ST6GALNAC3: variants seen among roughly 807,000 people sequenced by gnomAD.
ST6GALNAC3 encodes alpha-N-acetylgalactosaminide alpha-2,6-sialyltransferase 3.
ST6GALNAC3 carries 25 observed loss-of-function variants against 32.7 expected under a neutral mutation model. The observed-to-expected ratio is 0.76, with a 90% CI of 0.56 to 1.07. The LOEUF (loss-of-function observed/expected upper bound fraction) is 1.07. ST6GALNAC3 is among the 50% of genes least tolerant of loss of function. ST6GALNAC3 has a pLI of 0.00. For missense variants in ST6GALNAC3, 355 were observed against 382.4 expected (o/e 0.93, Z 0.60); for synonymous variants, 129 against 133.1 (o/e 0.97, Z 0.21).
At chr1:76,163,121 G>A (rs890878373) in intron 1 of ST6GALNAC3, among the ~76,000 whole-genome samples, 1 of 152,146 alleles carries the variant, frequency 6.6e-6, no homozygotes, top group Non-Finnish European at 1.5e-5. Flanking sequence ...TTTTAATGAA[G>A]CTTCCTTTGA....
At chr1:76,342,789 C>T (rs1648162025) in intron 2 of ST6GALNAC3, among the ~76,000 whole-genome samples, 1 of 151,754 alleles carries the variant, frequency 6.6e-6, no homozygotes, top group Non-Finnish European at 1.5e-5. Context: ...GAGATGGTGT[C>T]TCATTGTAGT....
intron 1 of ST6GALNAC3, among the ~76,000 whole-genome samples, chr1:76,221,886 TC>T: frequency 6.6e-6 from 1 of 152,226 alleles, no homozygotes; most frequent in African/African-American, 2.4e-5. Context: ...CTATTAAATA[TC>T]CCCTGCAAAA....
rs113069301 is a variant in ST6GALNAC3, at chr1:76,462,768, C to G, written c.623+50351C>G. On this transcript the variant is annotated intron_variant, in intron 3 of 4. Transcript: ENST00000328299. ...AGAGAACATGTAAGTATCACTAGCA[C>G]TGATTAAATATCATACGTGCAGCCA... is the stretch of plus-strand genomic sequence containing the variant. Among the ~76,000 whole-genome samples, 1,227 of 152,196 alleles carry G rather than the reference C, an allele frequency of 8.1e-3. 15 individuals carry two copies. Among genetic ancestry groups the G allele is most frequent in the African/African-American group, 0.028 (1,148 of 41,522 alleles).
chr1:76,627,372 G>A (rs1254653683), intron 3 of ST6GALNAC3, 80 bp from the exon 4 acceptor site: 11 of 894,274 alleles, frequency 1.2e-5, no homozygotes, highest in Middle Eastern at 4.5e-4. Context: ...AATGTTGCTC[G>A]TTTCTCACAC....
chr1:76,413,135 C>A, intron 3 of ST6GALNAC3: 1 of 190,850 alleles, frequency 5.2e-6, no homozygotes, highest in South Asian at 7.9e-5. Context: ...CCTCCCCTTC[C>A]TTCTCCTATT....
intron 1 of ST6GALNAC3, among the ~76,000 whole-genome samples, chr1:76,246,601 T>C (rs1318223464): frequency 6.6e-6 from 1 of 151,996 alleles, no homozygotes; most frequent in Non-Finnish European, 1.5e-5. Flanking sequence ...GATTTGGCTG[T>C]TGATACTTGT....
intron 1 of ST6GALNAC3, chr1:76,310,062 A>T (rs1646729382): frequency 2.2e-6 from 1 of 459,046 alleles, no homozygotes; most frequent in Admixed American, 2.4e-5. Context: ...CATGCAATGC[A>T]ATATAGCAAC....
At chr1:76,611,604 T>A (rs959874216) in intron 3 of ST6GALNAC3, among the ~76,000 whole-genome samples, 6 of 152,188 alleles carry the variant, frequency 3.9e-5, no homozygotes, top group African/African-American at 1.4e-4. Context: ...AAACTTATAG[T>A]CCATTCCTCC....
At chr1:76,328,504 C>T (rs1246390764) in intron 2 of ST6GALNAC3, among the ~76,000 whole-genome samples, 2 of 152,182 alleles carry the variant, frequency 1.3e-5, no homozygotes, top group African/African-American at 2.4e-5. Flanking sequence ...TCTCTACCTA[C>T]ATTTTTCAAA....
intron 3 of ST6GALNAC3, among the ~76,000 whole-genome samples, chr1:76,554,684 A>ATTTCT (rs1664820385): frequency 6.6e-6 from 1 of 152,164 alleles, no homozygotes; most frequent in South Asian, 2.1e-4. Flanking sequence ...AAAGTTAGCT[A>ATTTCT]TCTGAGAAAC....
rs949294589 is a variant in ST6GALNAC3 at position 76,412,097 on chromosome 1, C to G, written c.303C>G (p.Ser101=). ...AGGTGGGAAATGAGATAGATCGATC[C>G]TCCTGCATTTGGAGAATGAACAATG... ...GQKVGNEIDR[S]SCIWRMNNAP... is the part of the protein sequence containing the mutation. Residue 101 remains serine (S), a synonymous_variant, in exon 3 of 5, where the codon TCC becomes TCG. Coordinates refer to ENST00000328299, the MANE Select transcript of ST6GALNAC3 (RefSeq NM_152996.4). 6.2e-7 allele frequency: 1 copy of G among 1,613,552 alleles called. No homozygotes were observed.
rs145500074 is a variant in ST6GALNAC3 at position 76,211,097 on chromosome 1, T to C, written c.19-102708T>C. Among the ~76,000 whole-genome samples, 22 of 152,340 alleles carry C rather than the reference T, an allele frequency of 1.4e-4. No homozygotes were observed. The East Asian group carries it at 3.3e-3, about 23-fold the overall frequency. ...TGCTTATGACCTCACTTACTCTTAA[T>C]TACTTCTTTAAAGTCCCTATCTCCG... On this transcript the variant is annotated intron_variant, in intron 1 of 4. Transcript: ENST00000328299.
intron 1 of ST6GALNAC3, among the ~76,000 whole-genome samples, chr1:76,146,630 T>G (rs1384343679): frequency 6.6e-6 from 1 of 152,178 alleles, no homozygotes; most frequent in African/African-American, 2.4e-5. Context: ...GATTTTTTCT[T>G]TTTCCCTCTT....
chr1:76,468,081 C>G lies in ST6GALNAC3; in HGVS notation c.623+55664C>G, dbSNP rs139804613. Among the ~76,000 whole-genome samples, 414 of 151,728 alleles carry G rather than the reference C, an allele frequency of 2.7e-3. 2 individuals carry two copies. Among genetic ancestry groups the G allele is most frequent in the Non-Finnish European group, 5.1e-3 (349 of 67,816 alleles). On this transcript the variant is annotated intron_variant, in intron 3 of 4. Transcript: ENST00000328299. Reference sequence around the variant, plus strand: ...GGGTGTCATATATACCAGAATCAATCAATTCTTCCTTCTCTCCTTCTTTTC... The same window carrying G: ...GGGTGTCATATATACCAGAATCAATGAATTCTTCCTTCTCTCCTTCTTTTC...
intron 3 of ST6GALNAC3, among the ~76,000 whole-genome samples, chr1:76,607,269 C>G (rs1647620312): frequency 6.6e-6 from 1 of 152,176 alleles, no homozygotes; most frequent in Non-Finnish European, 1.5e-5. Flanking sequence ...CACATGTTCA[C>G]CAACCCAGAA....
intron 3 of ST6GALNAC3, among the ~76,000 whole-genome samples, chr1:76,609,340 G>T (rs1018844659): frequency 6.6e-6 from 1 of 151,872 alleles, no homozygotes; most frequent in African/African-American, 2.4e-5. Context: ...AACATATATC[G>T]CTAGTATTTT....
At chr1:76,108,338 A>T (rs1156952939) in intron 1 of ST6GALNAC3, among the ~76,000 whole-genome samples, 3 of 152,178 alleles carry the variant, frequency 2.0e-5, no homozygotes, top group Non-Finnish European at 4.4e-5. Flanking sequence ...ACAAAAATTC[A>T]CAGAATACAT....
intron 3 of ST6GALNAC3, among the ~76,000 whole-genome samples, chr1:76,482,491 C>G (rs1485329551): frequency 1.3e-5 from 2 of 152,068 alleles, no homozygotes; most frequent in Non-Finnish European, 2.9e-5. Flanking sequence ...CTCACTTTAC[C>G]CAGGGCTCCC....
intron 1 of ST6GALNAC3, among the ~76,000 whole-genome samples, chr1:76,159,035 G>A (rs1198084510): frequency 6.6e-6 from 1 of 152,208 alleles, no homozygotes; most frequent in East Asian, 1.9e-4. Context: ...GGGTGTGATG[G>A]AGAGGGAGGC....
Sources: gnomAD v4.1 joint callset for allele counts (sites outside exome capture counted in the v4.1 genomes callset) on GRCh38, gnomAD v4.1.1 for gene constraint, MANE v1.5 for transcripts, NCBI Gene and HGNC (gene_info 2026-07-23, HGNC 2026-07-21) for gene names.